Variants in CLSTN2 observed in about 807,000 individuals in gnomAD.
The protein encoded by CLSTN2 is calsyntenin-2.
CLSTN2 carries 48 observed loss-of-function variants against 101.2 expected under a neutral mutation model. The observed-to-expected ratio is 0.47, with a 90% CI of 0.38 to 0.60. The LOEUF (loss-of-function observed/expected upper bound fraction) is 0.60. Ranked by LOEUF, CLSTN2 falls within the 20% of genes least tolerant of loss-of-function variation. The pLI is 0.00. For synonymous variants in CLSTN2, 481 were observed against 463.6 expected (o/e 1.04, Z -0.48); for missense variants, 1,160 against 1,238.2 (o/e 0.94, Z 0.95).
intron 1 of CLSTN2, among the ~76,000 whole-genome samples, chr3:140,096,839 T>C (rs920428348): frequency 1.3e-5 from 2 of 152,194 alleles, no homozygotes; most frequent in Non-Finnish European, 2.9e-5. Flanking sequence ...AAGGAGTTCA[T>C]ATCCCCTTGG....
chr3:140,488,638 C>CT (rs66504085), intron 8 of CLSTN2, among the ~76,000 whole-genome samples: 29,901 of 73,716 alleles, frequency 0.41, 9,070 homozygotes, highest in Non-Finnish European at 0.51. Flanking sequence ...TTAATACGTG[C>CT]TTTTTTTTTT....
chr3:140,083,800 T>C (rs1316086981), intron 1 of CLSTN2, among the ~76,000 whole-genome samples: 2 of 152,202 alleles, frequency 1.3e-5, no homozygotes, highest in African/African-American at 4.8e-5. Flanking sequence ...GGGACATCTG[T>C]GGGCAGGACA....
At chr3:140,051,678 T>C (rs1006276399) in intron 1 of CLSTN2, among the ~76,000 whole-genome samples, 4 of 152,200 alleles carry the variant, frequency 2.6e-5, no homozygotes, top group Admixed American at 1.3e-4. Flanking sequence ...TGGAATCACC[T>C]GGGAAGCCTC....
chr3:139,976,729 C>T, intron 1 of CLSTN2, among the ~76,000 whole-genome samples: 1 of 152,314 alleles, frequency 6.6e-6, no homozygotes, highest in East Asian at 1.9e-4. Context: ...CATCTCACCT[C>T]TCCAAGCCTC....
chr3:140,234,965 C>G (rs1444291984), intron 2 of CLSTN2, among the ~76,000 whole-genome samples: 2 of 152,206 alleles, frequency 1.3e-5, no homozygotes, highest in East Asian at 3.9e-4. Flanking sequence ...TCCCCTCTTT[C>G]CCGGAGCTCA....
chr3:140,096,327 C>T (rs2008868746), intron 1 of CLSTN2, among the ~76,000 whole-genome samples: 1 of 152,170 alleles, frequency 6.6e-6, no homozygotes, highest in South Asian at 2.1e-4. Context: ...AAGTTCCCAG[C>T]TTTTGCAGTG....
chr3:140,240,174 C>CTCTCTCTCTCTATATATA (rs1311225528), intron 2 of CLSTN2, among the ~76,000 whole-genome samples: 5 of 13,346 alleles, frequency 3.7e-4, no homozygotes, highest in Non-Finnish European at 1.1e-3. Context: ...CTCTCTCTCT[C>CTCTCTCTCTCTATATATA]TATATATATA....
intron 2 of CLSTN2, among the ~76,000 whole-genome samples, chr3:140,291,187 T>C (rs757341895): frequency 5.3e-5 from 8 of 152,144 alleles, no homozygotes; most frequent in Non-Finnish European, 1.0e-4. Flanking sequence ...ATGTAAAACA[T>C]ATAGAAAGAG....
chr3:140,045,865 G>A (rs2107765927), intron 1 of CLSTN2, among the ~76,000 whole-genome samples: 1 of 152,336 alleles, frequency 6.6e-6, no homozygotes, highest in African/African-American at 2.4e-5. Flanking sequence ...TAGTTTGATT[G>A]CACTGTGGTC....
intron 2 of CLSTN2, among the ~76,000 whole-genome samples, chr3:140,377,637 A>G (rs2087931260): frequency 2.0e-5 from 3 of 152,304 alleles, no homozygotes; most frequent in East Asian, 1.9e-4. Flanking sequence ...AAATACTAAT[A>G]TAAAGAAAGA....
intron 2 of CLSTN2, among the ~76,000 whole-genome samples, chr3:140,228,231 T>C (rs1414937695): frequency 6.6e-6 from 1 of 152,216 alleles, no homozygotes; most frequent in African/African-American, 2.4e-5. Flanking sequence ...TAGAAATTTC[T>C]TCTGCCAGAT....
chr3:140,512,649 G>T (rs1333458699), intron 8 of CLSTN2, among the ~76,000 whole-genome samples: 1 of 152,150 alleles, frequency 6.6e-6, no homozygotes, highest in African/African-American at 2.4e-5. Flanking sequence ...ATTTCGTGAA[G>T]AATGTCAATG....
intron 1 of CLSTN2, among the ~76,000 whole-genome samples, chr3:140,043,401 T>C (rs772404912): frequency 3.9e-5 from 6 of 152,208 alleles, no homozygotes; most frequent in Non-Finnish European, 8.8e-5. Flanking sequence ...TTTGTTTGAG[T>C]TCTTTGTAGA....
chr3:140,110,426 G>C (rs1338673591), intron 1 of CLSTN2, among the ~76,000 whole-genome samples: 4 of 152,124 alleles, frequency 2.6e-5, no homozygotes, highest in African/African-American at 9.7e-5. Context: ...AACACCATGG[G>C]GCATCGTGTT....
intron 1 of CLSTN2, among the ~76,000 whole-genome samples, chr3:140,162,077 G>A (rs967848402): frequency 6.6e-6 from 1 of 152,118 alleles, no homozygotes; most frequent in African/African-American, 2.4e-5. Flanking sequence ...TTAATGTCTG[G>A]CTTAATAGAA....
chr3:140,038,717 C>A (rs564641076), intron 1 of CLSTN2, among the ~76,000 whole-genome samples: 126 of 152,194 alleles, frequency 8.3e-4, no homozygotes, highest in African/African-American at 3.0e-3. Flanking sequence ...TTAAATTTTA[C>A]AAAATTGACT....
chr3:140,284,028 T>C (rs1346875230), intron 2 of CLSTN2, among the ~76,000 whole-genome samples: 1 of 152,192 alleles, frequency 6.6e-6, no homozygotes, highest in Non-Finnish European at 1.5e-5. Context: ...AATTTCACCT[T>C]GAGCAGCTAG....
intron 1 of CLSTN2, among the ~76,000 whole-genome samples, chr3:140,093,031 G>A (rs2008807611): frequency 6.6e-6 from 1 of 152,152 alleles, no homozygotes; most frequent in Non-Finnish European, 1.5e-5. Context: ...GGGCCCCTGT[G>A]AGGATGTAAG....
At chr3:140,314,709 T>C (rs1284901532) in intron 2 of CLSTN2, among the ~76,000 whole-genome samples, 5 of 152,132 alleles carry the variant, frequency 3.3e-5, no homozygotes, top group Non-Finnish European at 7.4e-5. Flanking sequence ...GACCCAACCA[T>C]CATTTTGAGT....
Sources: allele counts gnomAD v4.1 joint callset (sites outside exome capture counted in the v4.1 genomes callset), GRCh38; gene constraint gnomAD v4.1.1; transcripts MANE v1.5; gene names NCBI Gene and HGNC (gene_info 2026-07-23, HGNC 2026-07-21).